ASIC2: variants seen among roughly 807,000 people sequenced by gnomAD.
The protein encoded by ASIC2 is acid sensing ion channel subunit 2, also known as acid-sensing ion channel 2.
A neutral mutation model predicts 57.3 loss-of-function variants in ASIC2; 25 were observed. The ratio of observed to expected loss-of-function variants is 0.44; its 90% confidence interval spans 0.32 to 0.61. The LOEUF (loss-of-function observed/expected upper bound fraction) is 0.61. Ranked by LOEUF, ASIC2 falls within the 20% of genes least tolerant of loss-of-function variation. ASIC2 has a pLI of 0.06. For missense variants in ASIC2, 641 were observed against 738.1 expected (o/e 0.87, Z 1.52); for synonymous variants, 319 against 307.5 (o/e 1.04, Z -0.39).
chr17:33,309,569 C>CCACATT (rs994988848), intron 1 of ASIC2, among the ~76,000 whole-genome samples: 2 of 152,122 alleles, frequency 1.3e-5, no homozygotes, highest in African/African-American at 4.8e-5. Context: ...ACCATCACCA[C>CCACATT]CACCTTCACC....
At chr17:33,725,253 T>C (rs1909509634) in intron 1 of ASIC2, among the ~76,000 whole-genome samples, 1 of 152,196 alleles carries the variant, frequency 6.6e-6, no homozygotes, top group Admixed American at 6.5e-5. Context: ...ATTAGAGAGC[T>C]GGGGAAAATA....
intron 1 of ASIC2, among the ~76,000 whole-genome samples, chr17:33,664,002 T>C (rs1907387588): frequency 6.6e-6 from 1 of 152,138 alleles, no homozygotes; most frequent in Admixed American, 6.5e-5. Context: ...TTTCAGCCTG[T>C]CTTCATCCTG....
chr17:33,896,868 C>G (rs1025457283), intron 1 of ASIC2, among the ~76,000 whole-genome samples: 1 of 152,210 alleles, frequency 6.6e-6, no homozygotes, highest in African/African-American at 2.4e-5. Flanking sequence ...TGGTTCCCCC[C>G]AGGGTTGCAC....
At chr17:34,051,241 C>A (rs1373964368) in intron 1 of ASIC2, among the ~76,000 whole-genome samples, 5 of 152,190 alleles carry the variant, frequency 3.3e-5, no homozygotes, top group Non-Finnish European at 7.3e-5. Flanking sequence ...CCTCTTTAAT[C>A]CTCTTAGCTC....
intron 9 of ASIC2, 107 bp from the exon 10 acceptor site, chr17:33,014,173 G>A: frequency 1.2e-6 from 1 of 833,382 alleles, no homozygotes. Context: ...CCCACTTGTG[G>A]GCTGCTTCTG....
chr17:33,968,821 A>T (rs2141996698), intron 1 of ASIC2, among the ~76,000 whole-genome samples: 1 of 152,276 alleles, frequency 6.6e-6, no homozygotes, highest in South Asian at 2.1e-4. Context: ...TGGCAAGATG[A>T]CTCAGCAAAG....
chr17:33,712,507 C>T (rs1028031790), intron 1 of ASIC2, among the ~76,000 whole-genome samples: 1 of 152,162 alleles, frequency 6.6e-6, no homozygotes, highest in African/African-American at 2.4e-5. Context: ...AGAATTCGGG[C>T]CTGATTTAGC....
rs565016359 is a variant in ASIC2 at position 33,022,097 on chromosome 17, G to C, written c.1350-787C>G. Reference sequence around the variant, plus strand: ...GGGGACAGTGTTGGCAAGAAGGAGGGGCTGGCGAAGAGAGGAGCAGATTCT... The same window carrying C: ...GGGGACAGTGTTGGCAAGAAGGAGGCGCTGGCGAAGAGAGGAGCAGATTCT... On this transcript the variant is annotated intron_variant, in intron 6 of 9. Transcript: ENST00000225823. 5.9e-5 allele frequency among the ~76,000 whole-genome samples: 9 copies of C among 152,234 alleles called. No homozygotes were observed. In the South Asian group the frequency reaches 1.2e-3, roughly 21 times the overall value.
chr17:33,350,501 G>A (rs994219961), intron 1 of ASIC2, among the ~76,000 whole-genome samples: 3 of 152,006 alleles, frequency 2.0e-5, no homozygotes, highest in Non-Finnish European at 2.9e-5. Context: ...CCAACAGGAC[G>A]AAACCCCGTC....
chr17:33,736,364 A>G (rs553632709), intron 1 of ASIC2, among the ~76,000 whole-genome samples: 94 of 152,180 alleles, frequency 6.2e-4, no homozygotes, highest in African/African-American at 2.2e-3. Flanking sequence ...AAAATCCCAT[A>G]TTTTATCATG....
At chr17:33,661,212 C>A (rs1907252657) in intron 1 of ASIC2, among the ~76,000 whole-genome samples, 1 of 152,206 alleles carries the variant, frequency 6.6e-6, no homozygotes, top group East Asian at 1.9e-4. Flanking sequence ...GAGCAAGCAC[C>A]CTGTGCTAAC....
intron 1 of ASIC2, among the ~76,000 whole-genome samples, chr17:33,454,064 T>C (rs1305639700): frequency 2.0e-5 from 3 of 152,208 alleles, no homozygotes; most frequent in Non-Finnish European, 4.4e-5. Context: ...TCCAAAGAAA[T>C]CTGTGATGTG....
intron 1 of ASIC2, among the ~76,000 whole-genome samples, chr17:33,877,166 C>T (rs1914567558): frequency 6.6e-6 from 1 of 152,204 alleles, no homozygotes; most frequent in Non-Finnish European, 1.5e-5. Flanking sequence ...CGAATAGGAG[C>T]TCCAGTCTAC....
intron 1 of ASIC2, among the ~76,000 whole-genome samples, chr17:33,210,214 T>C (rs982478148): frequency 6.6e-6 from 1 of 152,182 alleles, no homozygotes; most frequent in African/African-American, 2.4e-5. Flanking sequence ...ATGAAACAAC[T>C]GTACTCAAAT....
chr17:33,292,714 G>A lies in ASIC2; in HGVS notation c.-599C>T. 3 of 985,678 alleles carry A rather than the reference G, an allele frequency of 3.0e-6. No homozygotes were observed. The highest frequency in any genetic ancestry group is 3.6e-6 in the Non-Finnish European group (3 of 830,160). The allele number at this position is 985,678 out of a possible 1,614,324, so 61.1% of individuals were successfully genotyped here. The stretch of plus-strand genomic sequence containing the variant: ...CCGCGGCTCCTGGCTGGGCGGGCGG[G>A]GTGGGTGTGTACGGGGGTGAGTGGT... On this transcript the variant is annotated 5_prime_UTR_variant, in exon 1 of 10. Transcript: ENST00000225823.
At chr17:33,952,248 A>G (rs1904601453) in intron 1 of ASIC2, among the ~76,000 whole-genome samples, 1 of 152,186 alleles carries the variant, frequency 6.6e-6, no homozygotes, top group Admixed American at 6.5e-5. Flanking sequence ...TGTAGCTTAG[A>G]AATTTATCAA....
At chr17:33,174,901 G>A (rs1196700355) in intron 1 of ASIC2, among the ~76,000 whole-genome samples, 1 of 152,112 alleles carries the variant, frequency 6.6e-6, no homozygotes, top group East Asian at 1.9e-4. Context: ...TCAGTCCGTT[G>A]TGACTGATCC....
At chr17:34,011,044 C>T in intron 1 of ASIC2, among the ~76,000 whole-genome samples, 2 of 148,878 alleles carry the variant, frequency 1.3e-5, no homozygotes, top group African/African-American at 5.2e-5. Flanking sequence ...CACACACACA[C>T]ACACACACAC....
At chr17:33,535,446 T>C (rs1915199149) in intron 1 of ASIC2, among the ~76,000 whole-genome samples, 1 of 152,094 alleles carries the variant, frequency 6.6e-6, no homozygotes, top group East Asian at 1.9e-4. Flanking sequence ...CTAAGGTTTT[T>C]TTTTGTATTT....
Sources: gnomAD v4.1 joint callset for allele counts (sites outside exome capture counted in the v4.1 genomes callset) on GRCh38, gnomAD v4.1.1 for gene constraint, MANE v1.5 for transcripts, NCBI Gene and HGNC (gene_info 2026-07-23, HGNC 2026-07-21) for gene names.